Variants in RHOA observed in about 807,000 individuals in gnomAD.
The protein encoded by RHOA is ras homolog family member A.
A neutral mutation model predicts 17.5 loss-of-function variants in RHOA; 3 were observed. The observed-to-expected ratio is 0.17, with a 90% CI of 0.08 to 0.44. RHOA has a LOEUF of 0.44. RHOA is among the 20% of genes least tolerant of loss of function. The pLI is 0.99. For synonymous variants in RHOA, 98 were observed against 88.4 expected (o/e 1.11, Z -0.61); for missense variants, 56 against 242.3 (o/e 0.23, Z 5.10).
rs145018240 is a variant in RHOA, at chr3:49,376,208, A to T, written c.-2-617T>A. Among the ~76,000 whole-genome samples, 20 of 152,284 alleles carry T rather than the reference A, an allele frequency of 1.3e-4. No individual in the cohort carries two copies. The East Asian group carries it at 3.9e-3, about 29-fold the overall frequency. On this transcript the variant is annotated intron_variant, in intron 1 of 4. Transcript: ENST00000418115. Reference sequence around the variant, plus strand: ...CCAGGGCAATAAGGTAAGAAAATGAAATAAAAGACATCCAAATTGGAAAGG... The same window carrying T: ...CCAGGGCAATAAGGTAAGAAAATGATATAAAAGACATCCAAATTGGAAAGG...
In RHOA at chr3:49,375,518, G is replaced by A. The variant is rs377032207; in HGVS notation, c.72C>T (p.Val24=). ...GACGKTCLLI[V]FSKDQFPEVY... is the part of the protein sequence containing the mutation. The stretch of plus-strand genomic sequence containing the variant: ...CCTCTGGGAACTGGTCCTTGCTGAA[G>A]ACTATGAGCAAGCATGTCTTTCCAC... The change falls in exon 2 of 5, where the codon GTC becomes GTT. Residue 24 remains valine, a synonymous_variant. Coordinates refer to ENST00000418115, the MANE Select transcript of RHOA (RefSeq NM_001664.4). The A allele has an allele frequency of 1.2e-6, 2 of 1,613,974 alleles. No individual in the cohort carries two copies. Among genetic ancestry groups the A allele is most frequent in the African/African-American group, 2.7e-5 (2 of 74,922 alleles).
At chr3:49,368,180 A>G (rs1186362481) in intron 3 of RHOA, among the ~76,000 whole-genome samples, 2 of 152,104 alleles carry the variant, frequency 1.3e-5, no homozygotes, top group East Asian at 1.9e-4. Flanking sequence ...CCCAAAGCGC[A>G]GGGATTATAG....
chr3:49,395,016 G>A (rs1435394563), intron 1 of RHOA, among the ~76,000 whole-genome samples: 6 of 151,960 alleles, frequency 3.9e-5, no homozygotes, highest in African/African-American at 1.4e-4. Context: ...TTGGGAGGCC[G>A]AGGCGGGCAG....
chr3:49,378,553 G>A (rs924500785), intron 1 of RHOA, among the ~76,000 whole-genome samples: 3 of 151,532 alleles, frequency 2.0e-5, no homozygotes, highest in Non-Finnish European at 4.4e-5. Flanking sequence ...ATCTATCTAC[G>A]CATCTATCCA....
intron 1 of RHOA, among the ~76,000 whole-genome samples, chr3:49,404,458 A>ACACACACAC (rs10527314): frequency 3.4e-5 from 5 of 146,780 alleles, no homozygotes; most frequent in East Asian, 2.1e-4. Context: ...ACACACACAC[A>ACACACACAC]AAATTAGCCG....
At chr3:49,362,373 C>T (rs2047986544) in intron 4 of RHOA, 123 bp downstream of exon 4, 8 of 998,982 alleles carry the variant, frequency 8.0e-6, no homozygotes, top group Non-Finnish European at 1.4e-6. Flanking sequence ...CAGAGGGCCA[C>T]AGAGGGGCTT....
chr3:49,404,638 A>T (rs1575287985), intron 1 of RHOA, among the ~76,000 whole-genome samples: 1 of 116,964 alleles, frequency 8.5e-6, no homozygotes. Flanking sequence ...AAAAAAAAAA[A>T]GGCCAGAAGG....
intron 1 of RHOA, among the ~76,000 whole-genome samples, chr3:49,389,067 C>T (rs1575665712): frequency 6.6e-6 from 1 of 152,072 alleles, no homozygotes; most frequent in Non-Finnish European, 1.5e-5. Context: ...AGCTGCTGGG[C>T]GTGGTAGCTC....
rs1327598796 is a variant in RHOA at position 49,368,486 on chromosome 3, G to C, written c.219C>G (p.Ser73=). The part of the protein sequence containing the change: ...QEDYDRLRPL[S]YPDTDVILMC... ...TCAGTATAACATCGGTATCTGGGTA[G>C]GAGAGGGGCCTCAGGCGATCATAAT... Residue 73 remains serine (S), a synonymous_variant, in exon 3 of 5, where the codon TCC becomes TCG. Transcript: ENST00000418115. 2 of 1,613,934 alleles carry C rather than the reference G, an allele frequency of 1.2e-6. No individual in the cohort carries two copies. The highest frequency in any genetic ancestry group is 2.7e-5 in the African/African-American group (2 of 74,890).
At chr3:49,402,406 C>A (rs2048740387) in intron 1 of RHOA, among the ~76,000 whole-genome samples, 1 of 152,088 alleles carries the variant, frequency 6.6e-6, no homozygotes. Flanking sequence ...AAATAAAAAA[C>A]TAGGCCGGGT....
At chr3:49,364,916 G>A (rs984001259) in intron 3 of RHOA, among the ~76,000 whole-genome samples, 9 of 151,944 alleles carry the variant, frequency 5.9e-5, no homozygotes, top group Admixed American at 6.6e-5. Context: ...AGTGCAGTGA[G>A]CTGAGATCGC....
At chr3:49,387,517 G>A (rs1320601205) in intron 1 of RHOA, among the ~76,000 whole-genome samples, 2 of 149,892 alleles carry the variant, frequency 1.3e-5, no homozygotes, top group African/African-American at 4.9e-5. Flanking sequence ...GGCCCAAGGT[G>A]GGCAGATCAC....
chr3:49,402,533 G>A (rs1347351788), intron 1 of RHOA, among the ~76,000 whole-genome samples: 2 of 151,784 alleles, frequency 1.3e-5, no homozygotes, highest in Admixed American at 6.6e-5. Flanking sequence ...AATTAACTAG[G>A]TATGGTGGTG....
intron 2 of RHOA, 31 bp from the exon 3 acceptor site, chr3:49,368,579 A>G (rs2107839050): frequency 6.2e-7 from 1 of 1,613,752 alleles, no homozygotes; most frequent in South Asian, 1.1e-5. Flanking sequence ...ACAAGAGTGC[A>G]AGGTTAATCC....
At chr3:49,396,303 G>C (rs889995846) in intron 1 of RHOA, among the ~76,000 whole-genome samples, 1 of 152,168 alleles carries the variant, frequency 6.6e-6, no homozygotes, top group Admixed American at 6.6e-5. Flanking sequence ...GCCAGGCCTG[G>C]TGGCTCACGC....
intron 1 of RHOA, among the ~76,000 whole-genome samples, chr3:49,384,789 A>G (rs2048370140): frequency 6.6e-6 from 1 of 152,044 alleles, no homozygotes; most frequent in South Asian, 2.1e-4. Context: ...GGCTGGGTGC[A>G]GTGGCTCACG....
intron 1 of RHOA, among the ~76,000 whole-genome samples, chr3:49,394,976 G>A (rs1013541882): frequency 6.6e-5 from 10 of 152,138 alleles, no homozygotes; most frequent in South Asian, 2.1e-4. Context: ...GCGGTCGGGC[G>A]CGGTGGCTCA....
intron 2 of RHOA, among the ~76,000 whole-genome samples, chr3:49,372,633 A>C (rs4955413): frequency 0.76 from 115,277 of 151,110 alleles, 44,218 homozygotes; most frequent in East Asian, 0.99. Context: ...ACTCCGGAGG[A>C]TGAGGCAGGA....
At chr3:49,394,452 C>T (rs1344943889) in intron 1 of RHOA, among the ~76,000 whole-genome samples, 2 of 152,122 alleles carry the variant, frequency 1.3e-5, no homozygotes, top group Non-Finnish European at 2.9e-5. Flanking sequence ...CCGGGTTCCA[C>T]CAATTCTCCT....
Sources: allele counts gnomAD v4.1 joint callset (sites outside exome capture counted in the v4.1 genomes callset), GRCh38; gene constraint gnomAD v4.1.1; transcripts MANE v1.5; gene names NCBI Gene and HGNC (gene_info 2026-07-23, HGNC 2026-07-21).